The following SATB2 variants were observed in gnomAD, a reference collection of about 807,000 sequenced individuals.
SATB2 encodes the protein SATB homeobox 2.
SATB2 carries 1 observed loss-of-function variant against 73.4 expected under a neutral mutation model. The ratio of observed to expected loss-of-function variants is 0.01; its 90% confidence interval spans 0.00 to 0.06. SATB2 has a LOEUF of 0.06. Among genes scored for constraint, SATB2 ranks in the 10% least tolerant of loss-of-function variants. The pLI, the probability that SATB2 is intolerant of heterozygous loss-of-function variation, is 1.00. For synonymous variants in SATB2, 397 were observed against 367.0 expected, an observed-to-expected ratio of 1.08 and a Z score of -0.93; for missense variants, 459 against 945.8, an observed-to-expected ratio of 0.49 and a Z score of 6.75.
At chr2:199,298,071 C>T (rs985207239) in intron 10 of SATB2, among the ~76,000 whole-genome samples, 3 of 152,150 alleles carry the variant, frequency 2.0e-5, no homozygotes, top group Admixed American at 1.3e-4. Context: ...AAATTCTATG[C>T]TGACACCATC....
At position 199,272,077 on chromosome 2, in the gene SATB2, G is replaced by A. The variant is rs1692173662; in HGVS notation, c.*134C>T. 6.1e-6 allele frequency: 5 copies of A among 817,844 alleles called. No homozygotes were observed. The highest frequency in any genetic ancestry group is 8.2e-6 in the Non-Finnish European group (4 of 487,702). The allele number at this position is 817,844 out of a possible 1,614,324, so 50.7% of individuals were successfully genotyped here. On this transcript the variant is annotated 3_prime_UTR_variant, in exon 11 of 11. Coordinates refer to ENST00000417098, the MANE Select transcript of SATB2 (RefSeq NM_001172509.2). The surrounding 1 kb of genome is among the most constrained non-coding windows in gnomAD (Gnocchi z 6.7). ...CCAAAAGGGTAAGAAAAACAAAACA[G>A]ACATAAAAAGACAAAAATAAAGCCA... is the stretch of plus-strand genomic sequence containing the variant.
intron 9 of SATB2, among the ~76,000 whole-genome samples, chr2:199,315,716 C>A (rs957561951): frequency 6.6e-6 from 1 of 152,074 alleles, no homozygotes; most frequent in Non-Finnish European, 1.5e-5. Flanking sequence ...CAGCACTAAA[C>A]ACAAGTTCAT....
chr2:199,436,428 A>AC (rs1163202125), intron 2 of SATB2, among the ~76,000 whole-genome samples: 11 of 151,878 alleles, frequency 7.2e-5, no homozygotes, highest in African/African-American at 2.7e-4. Flanking sequence ...TCTATTTAAA[A>AC]AAAAACAAAA....
At chr2:199,363,656 A>G (rs1010923289) in intron 6 of SATB2, among the ~76,000 whole-genome samples, 1 of 152,246 alleles carries the variant, frequency 6.6e-6, no homozygotes, top group Non-Finnish European at 1.5e-5. Flanking sequence ...ATCACAAAAA[A>G]TGTCAAATAT....
chr2:199,398,517 C>T (rs1690371933), intron 3 of SATB2, among the ~76,000 whole-genome samples: 1 of 152,074 alleles, frequency 6.6e-6, no homozygotes, highest in African/African-American at 2.4e-5. Flanking sequence ...CAGAAGAAAA[C>T]ATTAAGTTTT....
intron 3 of SATB2, among the ~76,000 whole-genome samples, chr2:199,418,613 A>G (rs2105911357): frequency 6.6e-6 from 1 of 152,304 alleles, no homozygotes; most frequent in South Asian, 2.1e-4. Flanking sequence ...ACATCCAAAC[A>G]TTTTTGAACA....
upstream of SATB2, among the ~76,000 whole-genome samples, chr2:199,468,637 A>T (rs1288774253): frequency 2.0e-5 from 3 of 152,304 alleles, no homozygotes; most frequent in Admixed American, 2.0e-4. Flanking sequence ...TGAATCCATG[A>T]ATCAGCTCCA....
chr2:199,289,432 C>G (rs1423884965), intron 10 of SATB2, among the ~76,000 whole-genome samples: 1 of 152,174 alleles, frequency 6.6e-6, no homozygotes, highest in East Asian at 1.9e-4. Flanking sequence ...AGATTCCAGT[C>G]TCCGAGCAGC....
intron 9 of SATB2, among the ~76,000 whole-genome samples, chr2:199,318,051 G>A (rs1283278817): frequency 6.6e-6 from 1 of 151,988 alleles, no homozygotes; most frequent in Non-Finnish European, 1.5e-5. Flanking sequence ...ATTGTGTTCT[G>A]AAGAAAGCTA....
chr2:199,390,384 C>G (rs1690093881), intron 3 of SATB2, among the ~76,000 whole-genome samples: 1 of 152,140 alleles, frequency 6.6e-6, no homozygotes, highest in East Asian at 1.9e-4. Context: ...CCATTTCATC[C>G]AGTACATATT....
chr2:199,373,050 T>C (rs1689495369), intron 5 of SATB2, among the ~76,000 whole-genome samples: 1 of 152,166 alleles, frequency 6.6e-6, no homozygotes, highest in African/African-American at 2.4e-5. Context: ...AGCAGTGTGG[T>C]ACTAAGAGTA....
At position 199,272,231 on chromosome 2, in the gene SATB2, C is replaced by G. The variant is rs377368865; in HGVS notation, c.2182G>C (p.Ala728Pro). The G allele has an allele frequency of 4.3e-6, 7 of 1,614,130 alleles. No homozygotes were observed. The African/African-American group carries it at 8.0e-5, about 18-fold the overall frequency. Reference sequence around the variant, plus strand: ...TCACATTATCTCTGGTCAATTTCGGCAGGTGCTGCCTTGCTTTTGTCAGCA... The same window carrying G: ...TCACATTATCTCTGGTCAATTTCGGGAGGTGCTGCCTTGCTTTTGTCAGCA... ...ENADKSKAAP[A>P]EIDQR is the part of the protein sequence containing the mutation. The change falls in exon 11 of 11, where the codon GCC becomes CCC. Residue 728 changes from alanine (A) to proline (P), a missense_variant. This residue lies in a region of SATB2 where 41 missense variants were observed against 38.6 expected (regional missense o/e 1.06). Transcript: ENST00000417098. The surrounding 1 kb of genome is among the most constrained non-coding windows in gnomAD (Gnocchi z 6.7).
chr2:199,333,169 A>C (rs1050801120), intron 7 of SATB2, among the ~76,000 whole-genome samples: 2 of 152,000 alleles, frequency 1.3e-5, no homozygotes, highest in African/African-American at 2.4e-5. Context: ...AAAAAAAAAC[A>C]GATCAGTCTA....
chr2:199,468,522 T>G (rs972329915), upstream of SATB2, among the ~76,000 whole-genome samples: 2 of 152,010 alleles, frequency 1.3e-5, no homozygotes, highest in Non-Finnish European at 2.9e-5. Flanking sequence ...TGCAGTGAGG[T>G]ATTTGTGCAT....
rs56071011 is a variant in SATB2, at chr2:199,451,091, A to AACACACAC, written c.169+4770_169+4777dup. Among the ~76,000 whole-genome samples, 80 of 139,292 alleles carry AACACACAC rather than the reference A, an allele frequency of 5.7e-4. No homozygotes were observed. The East Asian group carries it at 8.5e-3, about 15-fold the overall frequency. The allele number at this position is 139,292 out of a possible 152,430, so 91.4% of individuals were successfully genotyped here. The stretch of plus-strand genomic sequence containing the variant: ...CCTTAAGGGACATCTATGTAGTTCC[A>AACACACAC]ACACACACACACACACACACACACA... On this transcript the variant is annotated intron_variant, in intron 2 of 10. Transcript: ENST00000417098.
At chr2:199,417,615 A>G (rs947871795) in intron 3 of SATB2, among the ~76,000 whole-genome samples, 9 of 152,272 alleles carry the variant, frequency 5.9e-5, no homozygotes, top group African/African-American at 1.9e-4. Context: ...ACAGAAAAAA[A>G]ATTTGTCCCA....
intron 3 of SATB2, among the ~76,000 whole-genome samples, chr2:199,421,692 T>C (rs1691175368): frequency 6.6e-6 from 1 of 152,110 alleles, no homozygotes; most frequent in South Asian, 2.1e-4. Flanking sequence ...AACAAGACAA[T>C]TACAAAAACA....
At chr2:199,433,257 G>A (rs1217744215) in intron 3 of SATB2, 81 bp downstream of exon 3, 11 of 1,385,412 alleles carry the variant, frequency 7.9e-6, no homozygotes, top group Middle Eastern at 2.6e-4. Context: ...CCTTTGTTTG[G>A]AGAACTATTT....
At chr2:199,437,151 A>G (rs1211506997) in intron 2 of SATB2, among the ~76,000 whole-genome samples, 1 of 152,188 alleles carries the variant, frequency 6.6e-6, no homozygotes, top group African/African-American at 2.4e-5. Context: ...TGTAGCACAG[A>G]CCCATTTTCA....
Sources: allele counts gnomAD v4.1 joint callset (sites outside exome capture counted in the v4.1 genomes callset), GRCh38; gene constraint gnomAD v4.1.1; regional missense constraint gnomAD v4.1.1; non-coding constraint Gnocchi (gnomAD v3.1); transcripts MANE v1.5; gene names NCBI Gene and HGNC (gene_info 2026-07-23, HGNC 2026-07-21).